Variants in AFG2A observed in about 807,000 individuals in gnomAD.
AFG2A encodes the protein AAA ATPase AFG2A, also known as ATPase family gene 2 protein homolog A.
chr4:122,952,786 A>G, the AFG2A span, among the ~76,000 whole-genome samples: 1 of 152,186 alleles, frequency 6.6e-6, no homozygotes. Flanking sequence ...AGGTGAATGC[A>G]AATTGGTCTT....
At chr4:123,050,813 C>T in the AFG2A span, among the ~76,000 whole-genome samples, 35 of 151,444 alleles carry the variant, frequency 2.3e-4, 1 homozygote, top group South Asian at 4.6e-3. Context: ...GGCACTCTCT[C>T]GGCTCACTGC....
the AFG2A span, among the ~76,000 whole-genome samples, chr4:122,983,577 G>A: frequency 6.6e-6 from 1 of 151,948 alleles, no homozygotes. Context: ...TTGTTCAGGA[G>A]TATGTTGTTT....
the AFG2A span, among the ~76,000 whole-genome samples, chr4:123,089,123 C>G: frequency 6.6e-6 from 1 of 152,250 alleles, no homozygotes; most frequent in East Asian, 1.9e-4. Flanking sequence ...TGTATGACAA[C>G]CTCATGTGCA....
the AFG2A span, among the ~76,000 whole-genome samples, chr4:122,947,989 AC>A: frequency 1.4e-4 from 21 of 149,880 alleles, 1 homozygote; most frequent in Non-Finnish European, 2.6e-4. Context: ...TCTTTAGCTT[AC>A]TTTATTGTAA....
At chr4:123,182,050 C>G in the AFG2A span, among the ~76,000 whole-genome samples, 2 of 152,166 alleles carry the variant, frequency 1.3e-5, no homozygotes, top group Admixed American at 6.5e-5. Flanking sequence ...CTCTGAAACT[C>G]TGAGTTTCTA....
At chr4:122,994,777 C>A in the AFG2A span, among the ~76,000 whole-genome samples, 1 of 151,272 alleles carries the variant, frequency 6.6e-6, no homozygotes, top group African/African-American at 2.4e-5. Context: ...TAGTAAACTC[C>A]GATCCAGGTT....
At chr4:123,212,307 A>T in the AFG2A span, among the ~76,000 whole-genome samples, 1,014 of 152,200 alleles carry the variant, frequency 6.7e-3, 15 homozygotes, top group African/African-American at 0.023. Flanking sequence ...CTCCTATTGA[A>T]CGTGAAACCT....
At chr4:122,961,627 C>G in the AFG2A span, among the ~76,000 whole-genome samples, 1 of 152,194 alleles carries the variant, frequency 6.6e-6, no homozygotes, top group African/African-American at 2.4e-5. Context: ...TCCTCAGACT[C>G]CTGAGTAGCT....
the AFG2A span, among the ~76,000 whole-genome samples, chr4:122,989,741 C>T: frequency 6.6e-6 from 1 of 152,148 alleles, no homozygotes; most frequent in East Asian, 1.9e-4. Context: ...ATGCTTATGT[C>T]ATCCTTCTTC....
At chr4:123,201,698 T>A in the AFG2A span, among the ~76,000 whole-genome samples, 27 of 152,130 alleles carry the variant, frequency 1.8e-4, no homozygotes, top group African/African-American at 6.0e-4. Context: ...GCGGGCAGAT[T>A]GCTTGAATCC....
the AFG2A span, among the ~76,000 whole-genome samples, chr4:123,297,000 TTA>T: frequency 6.6e-6 from 1 of 152,206 alleles, no homozygotes; most frequent in African/African-American, 2.4e-5. Context: ...ATATTTCCAG[TTA>T]TACGCACAAT....
chr4:123,314,788 C>T, the AFG2A span: 1 of 143,610 alleles, frequency 7.0e-6, no homozygotes, highest in South Asian at 2.2e-4. Flanking sequence ...CAGAGTCTCA[C>T]TCTGTCACCT....
the AFG2A span, among the ~76,000 whole-genome samples, chr4:123,071,403 C>A: frequency 6.6e-6 from 1 of 152,042 alleles, no homozygotes; most frequent in African/African-American, 2.4e-5. Flanking sequence ...TCACTTGAAC[C>A]CAGGAGGCGG....
chr4:123,049,721 T>C, the AFG2A span, among the ~76,000 whole-genome samples: 1 of 152,078 alleles, frequency 6.6e-6, no homozygotes. Context: ...GTGTTCTTTT[T>C]TTTAGGTAGT....
chr4:123,050,733 TTG>T, the AFG2A span, among the ~76,000 whole-genome samples: 1 of 151,682 alleles, frequency 6.6e-6, no homozygotes, highest in African/African-American at 2.4e-5. Flanking sequence ...CAGCATATAG[TTG>T]TGTCTTTTTT....
At chr4:123,041,724 C>G in the AFG2A span, among the ~76,000 whole-genome samples, 1 of 151,630 alleles carries the variant, frequency 6.6e-6, no homozygotes, top group African/African-American at 2.4e-5. Context: ...GATGTGGTTT[C>G]TCCATGTTGG....
chr4:123,176,345 G>A, the AFG2A span, among the ~76,000 whole-genome samples: 2 of 152,138 alleles, frequency 1.3e-5, no homozygotes, highest in Non-Finnish European at 2.9e-5. Flanking sequence ...ACCAGCTCAT[G>A]ATAACATAAA....
At chr4:123,155,377 CTT>C in the AFG2A span, among the ~76,000 whole-genome samples, 1 of 152,144 alleles carries the variant, frequency 6.6e-6, no homozygotes, top group East Asian at 1.9e-4. Context: ...TGCACCCAGT[CTT>C]ATCCCTATTA....
the AFG2A span, among the ~76,000 whole-genome samples, chr4:123,211,509 T>C: frequency 6.6e-6 from 1 of 152,282 alleles, no homozygotes; most frequent in African/African-American, 2.4e-5. Flanking sequence ...GAAAGACCTA[T>C]ATTTTATAGT....
Sources: gnomAD v4.1 joint callset for allele counts (sites outside exome capture counted in the v4.1 genomes callset) on GRCh38, gnomAD v4.1.1 for gene constraint, MANE v1.5 for transcripts, NCBI Gene and HGNC (gene_info 2026-07-23, HGNC 2026-07-21) for gene names.